CPQ: variants seen among roughly 807,000 people sequenced by gnomAD.
CPQ encodes carboxypeptidase Q, also known as Ser-Met dipeptidase.
In CPQ, 37 loss-of-function variants were observed where a neutral mutation model predicts 45.7. The observed-to-expected ratio is 0.81, with a 90% CI of 0.62 to 1.07. CPQ has a LOEUF of 1.07. Ranked by LOEUF, CPQ falls within the 50% of genes least tolerant of loss-of-function variation. The pLI, the probability that CPQ is intolerant of heterozygous loss-of-function variation, is 0.00. For missense variants in CPQ, 537 were observed against 572.9 expected (o/e 0.94, Z 0.64); for synonymous variants, 186 against 205.8 (o/e 0.90, Z 0.82).
rs112206003 is a variant in CPQ at position 96,785,722 on chromosome 8, A to G, written c.433+392A>G. Among the ~76,000 whole-genome samples the G allele has an allele frequency of 4.7e-3, 710 of 152,320 alleles. 4 individuals carry two copies. Among genetic ancestry groups the G allele is most frequent in the African/African-American group, 0.016 (655 of 41,580 alleles). ...TTTTAGAATTAATGAAATAGAGAAT[A>G]GAACTTTGCACTCTGAATTGATTTA... is the stretch of plus-strand genomic sequence containing the variant. On this transcript the variant is annotated intron_variant, in intron 2 of 7. Coordinates refer to ENST00000220763, the MANE Select transcript of CPQ (RefSeq NM_016134.4).
At chr8:97,098,925 C>T (rs1166623820) in intron 7 of CPQ, among the ~76,000 whole-genome samples, 3 of 152,060 alleles carry the variant, frequency 2.0e-5, no homozygotes, top group Non-Finnish European at 2.9e-5. Flanking sequence ...CATACATAAA[C>T]ACACAGATAT....
At chr8:96,979,951 A>T (rs1181135288) in intron 5 of CPQ, among the ~76,000 whole-genome samples, 1 of 152,106 alleles carries the variant, frequency 6.6e-6, no homozygotes, top group Non-Finnish European at 1.5e-5. Flanking sequence ...CCCAGATCTC[A>T]CTGATTTTTC....
rs549131850 is a variant in CPQ at position 97,097,515 on chromosome 8, G to A, written c.1255+31305G>A. Among the ~76,000 whole-genome samples the A allele has an allele frequency of 2.0e-5, 3 of 152,252 alleles. No homozygotes were observed. The East Asian group carries it at 5.8e-4, about 29-fold the overall frequency. ...TCCTACTCTCTGTCAAGAATAAGAA[G>A]CTTAAAGGTCCCTATAACCAACACA... On this transcript the variant is annotated intron_variant, in intron 7 of 7. Coordinates refer to ENST00000220763, the MANE Select transcript of CPQ (RefSeq NM_016134.4).
chr8:97,126,455 G>C (rs1282293813), intron 7 of CPQ, among the ~76,000 whole-genome samples: 1 of 152,068 alleles, frequency 6.6e-6, no homozygotes, highest in African/African-American at 2.4e-5. Flanking sequence ...AGCTGTATTT[G>C]TTTGGGTTTT....
intron 2 of CPQ, among the ~76,000 whole-genome samples, chr8:96,804,088 G>T (rs1811045354): frequency 6.6e-6 from 1 of 152,152 alleles, no homozygotes; most frequent in African/African-American, 2.4e-5. Flanking sequence ...GATTTACTGG[G>T]GCTAAGGAGG....
chr8:96,965,935 G>T lies in CPQ; in HGVS notation c.850G>T (p.Val284Phe), dbSNP rs1164540221. ...TTTAACTTTTTATTATTTGTTCTAG[G>T]TTGTACTGGTCAGTGGACATCTGGA... ...EITGSKYPEQ[V>F]VLVSGHLDSW... is the part of the protein sequence containing the mutation. The change falls in exon 5 of 8, where the codon GTT becomes TTT. Residue 284 changes from valine (V) to phenylalanine (F), a missense_variant and splice_region_variant. Coordinates refer to ENST00000220763, the MANE Select transcript of CPQ (RefSeq NM_016134.4). 2 of 1,604,406 alleles carry T rather than the reference G, an allele frequency of 1.2e-6. No homozygotes were observed. Among genetic ancestry groups the T allele is most frequent in the Admixed American group, 3.4e-5 (2 of 58,036 alleles).
At chr8:96,892,980 G>A (rs765804824) in intron 4 of CPQ, among the ~76,000 whole-genome samples, 3 of 152,174 alleles carry the variant, frequency 2.0e-5, no homozygotes, top group Admixed American at 6.5e-5. Flanking sequence ...TACATGGCAA[G>A]TGTATATGAC....
intron 1 of CPQ, among the ~76,000 whole-genome samples, chr8:96,655,793 G>A (rs2455038): frequency 0.74 from 112,600 of 152,100 alleles, 41,811 homozygotes; most frequent in Middle Eastern, 0.83. Flanking sequence ...TAAGTCCGTT[G>A]TAAAGTTGTA....
chr8:97,072,709 C>G (rs1365479309), intron 7 of CPQ, among the ~76,000 whole-genome samples: 1 of 152,120 alleles, frequency 6.6e-6, no homozygotes, highest in Non-Finnish European at 1.5e-5. Flanking sequence ...GTCTTTTTCA[C>G]CAGTTAATTT....
intron 4 of CPQ, among the ~76,000 whole-genome samples, chr8:96,932,079 G>T (rs1812982230): frequency 6.6e-6 from 1 of 152,016 alleles, no homozygotes; most frequent in African/African-American, 2.4e-5. Context: ...TTTTAAAAAT[G>T]CAGAAAATCA....
At chr8:96,656,408 G>T (rs1241565296) in intron 1 of CPQ, among the ~76,000 whole-genome samples, 1 of 152,168 alleles carries the variant, frequency 6.6e-6, no homozygotes, top group East Asian at 1.9e-4. Context: ...TGTACTTCCT[G>T]GCTGGGTGGT....
At chr8:97,006,682 T>C (rs1280248031) in intron 5 of CPQ, among the ~76,000 whole-genome samples, 1 of 152,200 alleles carries the variant, frequency 6.6e-6, no homozygotes, top group African/African-American at 2.4e-5. Context: ...AAAATACTTA[T>C]TAAAATGTAA....
chr8:97,055,981 C>A (rs1020543409), intron 6 of CPQ, among the ~76,000 whole-genome samples: 1 of 152,154 alleles, frequency 6.6e-6, no homozygotes, highest in South Asian at 2.1e-4. Context: ...CACCTGTAGT[C>A]CCAGCTACTC....
chr8:96,737,237 AC>A (rs1417237821), intron 1 of CPQ, among the ~76,000 whole-genome samples: 1 of 143,136 alleles, frequency 7.0e-6, no homozygotes, highest in African/African-American at 2.8e-5. Context: ...AGATACACAC[AC>A]ACACACACAC....
At chr8:96,801,332 G>T (rs546702257) in intron 2 of CPQ, among the ~76,000 whole-genome samples, 1 of 152,196 alleles carries the variant, frequency 6.6e-6, no homozygotes, top group South Asian at 2.1e-4. Context: ...GGTTAAGATA[G>T]ATATATGGAT....
At chr8:97,036,002 C>T (rs979736521) in intron 6 of CPQ, among the ~76,000 whole-genome samples, 2 of 152,160 alleles carry the variant, frequency 1.3e-5, no homozygotes, top group Non-Finnish European at 1.5e-5. Context: ...CCACCATGCC[C>T]GGCCGCCTTA....
At chr8:96,888,098 G>A (rs1297306276) in intron 4 of CPQ, among the ~76,000 whole-genome samples, 1 of 152,110 alleles carries the variant, frequency 6.6e-6, no homozygotes, top group Non-Finnish European at 1.5e-5. Flanking sequence ...CGTGCATTGT[G>A]GGGTGTTTAG....
At chr8:96,967,750 A>G (rs1434692192) in intron 5 of CPQ, among the ~76,000 whole-genome samples, 1 of 152,226 alleles carries the variant, frequency 6.6e-6, no homozygotes, top group Non-Finnish European at 1.5e-5. Context: ...ATGAGGCACC[A>G]TAGTATACTG....
chr8:97,066,431 A>G (rs1301329660), intron 7 of CPQ, among the ~76,000 whole-genome samples: 1 of 152,228 alleles, frequency 6.6e-6, no homozygotes, highest in Admixed American at 6.5e-5. Flanking sequence ...CTAAATTATA[A>G]GCTCCTCACT....
Sources: allele counts gnomAD v4.1 joint callset (sites outside exome capture counted in the v4.1 genomes callset), GRCh38; gene constraint gnomAD v4.1.1; transcripts MANE v1.5; gene names NCBI Gene and HGNC (gene_info 2026-07-23, HGNC 2026-07-21).